The following CEP128 variants were observed in gnomAD, a reference collection of about 807,000 sequenced individuals.
CEP128 encodes the protein centrosomal protein 128, also known as centrosomal protein 128kDa.
CEP128 carries 132 observed loss-of-function variants against 156.7 expected under a neutral mutation model. That is an observed-to-expected ratio of 0.84 (90% CI 0.73 to 0.97). The LOEUF (loss-of-function observed/expected upper bound fraction) is 0.97. CEP128 is among the 50% of genes least tolerant of loss of function. The pLI is 0.00. For missense variants in CEP128, 1,252 were observed against 1,281.9 expected, an observed-to-expected ratio of 0.98 and a Z score of 0.36; for synonymous variants, 469 against 448.9, an observed-to-expected ratio of 1.04 and a Z score of -0.57.
intron 19 of CEP128, among the ~76,000 whole-genome samples, chr14:80,689,708 G>A (rs540903322): frequency 1.3e-5 from 2 of 152,084 alleles, no homozygotes; most frequent in African/African-American, 4.8e-5. Context: ...ATACATAGAC[G>A]CACATGTATA....
intron 19 of CEP128, among the ~76,000 whole-genome samples, chr14:80,680,653 A>G (rs1034665783): frequency 5.2e-4 from 79 of 152,260 alleles, no homozygotes; most frequent in African/African-American, 1.8e-3. Flanking sequence ...CCATACCCAC[A>G]TGTATCTCCA....
intron 8 of CEP128, among the ~76,000 whole-genome samples, chr14:80,892,358 C>A (rs1042056280): frequency 6.6e-6 from 1 of 151,738 alleles, no homozygotes; most frequent in African/African-American, 2.4e-5. Flanking sequence ...GAATTTCACA[C>A]ACAAAAGAAT....
At chr14:80,500,207 T>A (rs981235849) in intron 24 of CEP128, among the ~76,000 whole-genome samples, 2 of 152,220 alleles carry the variant, frequency 1.3e-5, no homozygotes, top group African/African-American at 4.8e-5. Context: ...ATTTCCTTTG[T>A]TTTTTCCACG....
chr14:80,690,880 G>A (rs1287553348), intron 19 of CEP128, among the ~76,000 whole-genome samples: 1 of 151,992 alleles, frequency 6.6e-6, no homozygotes, highest in Non-Finnish European at 1.5e-5. Flanking sequence ...AATACCCAAT[G>A]TTAAAAATAT....
intron 19 of CEP128, among the ~76,000 whole-genome samples, chr14:80,711,449 TAA>T (rs1357667927): frequency 1.3e-5 from 2 of 152,040 alleles, no homozygotes; most frequent in Non-Finnish European, 2.9e-5. Flanking sequence ...GGCTAGCTTA[TAA>T]GAGATAATAT....
upstream of CEP128, among the ~76,000 whole-genome samples, chr14:80,946,103 G>A (rs904277700): frequency 8.5e-5 from 13 of 152,178 alleles, no homozygotes; most frequent in South Asian, 4.1e-4. Flanking sequence ...AGCACTTCAT[G>A]TGTAGAGGTG....
intron 17 of CEP128, among the ~76,000 whole-genome samples, chr14:80,758,387 T>C (rs779839281): frequency 6.6e-6 from 1 of 152,174 alleles, no homozygotes; most frequent in Middle Eastern, 3.4e-3. Flanking sequence ...CCGGGCGTGG[T>C]GGCGCATGCC....
At chr14:80,509,077 G>A (rs1053788933) in intron 23 of CEP128, among the ~76,000 whole-genome samples, 3 of 152,078 alleles carry the variant, frequency 2.0e-5, no homozygotes, top group Non-Finnish European at 4.4e-5. Context: ...GATCTTGTGA[G>A]AACTCCCTCA....
chr14:80,539,370 G>A lies in CEP128; in HGVS notation c.2881-8484C>T, dbSNP rs188553310. Among the ~76,000 whole-genome samples, 742 of 152,284 alleles carry A rather than the reference G, an allele frequency of 4.9e-3. 7 individuals carry two copies. The highest frequency in any genetic ancestry group is 0.016 in the African/African-American group (658 of 41,552). Reference sequence around the variant, plus strand: ...AAGCAATGGGGACAGGATATGTTGCGGGAAGTCAGGGACCTCGAACAGAGG... The same window carrying A: ...AAGCAATGGGGACAGGATATGTTGCAGGAAGTCAGGGACCTCGAACAGAGG... On this transcript the variant is annotated intron_variant, in intron 21 of 24. Transcript: ENST00000555265.
intron 13 of CEP128, 111 bp downstream of exon 13, chr14:80,831,032 G>T: frequency 2.2e-6 from 2 of 899,346 alleles, no homozygotes; most frequent in Non-Finnish European, 3.6e-6. Context: ...TATTATCAAT[G>T]CTCACACTGG....
intron 13 of CEP128, among the ~76,000 whole-genome samples, chr14:80,802,060 G>A (rs965464553): frequency 4.6e-5 from 7 of 151,904 alleles, no homozygotes; most frequent in Non-Finnish European, 1.0e-4. Context: ...AGGCTGTGGA[G>A]ATACAAGAAC....
intron 13 of CEP128, among the ~76,000 whole-genome samples, chr14:80,814,667 A>G (rs1884747454): frequency 6.6e-6 from 1 of 152,196 alleles, no homozygotes; most frequent in African/African-American, 2.4e-5. Flanking sequence ...ACCTATGAAA[A>G]ATTCTTCTGG....
At chr14:80,709,455 T>C (rs116606844) in intron 19 of CEP128, among the ~76,000 whole-genome samples, 2,059 of 152,296 alleles carry the variant, frequency 0.014, 55 homozygotes, top group African/African-American at 0.047. Flanking sequence ...AATTATGTTT[T>C]AATATCTGGT....
In CEP128 at chr14:80,904,800, T is replaced by C. The variant is rs1415081512; in HGVS notation, c.480+13A>G. 1.5e-6 allele frequency: 2 copies of C among 1,337,990 alleles called. No homozygotes were observed. Among genetic ancestry groups the C allele is most frequent in the African/African-American group, 1.4e-5 (1 of 69,322 alleles). The allele number at this position is 1,337,990 out of a possible 1,614,324, so 82.9% of individuals were successfully genotyped here. On this transcript the variant is annotated intron_variant, in intron 6 of 24. Transcript: ENST00000555265. ...GAAATACTGCACACAAATTACAGAA[T>C]GGTACAAAGTACCTGAGTCATATCA... is the stretch of plus-strand genomic sequence containing the variant.
intron 9 of CEP128, among the ~76,000 whole-genome samples, chr14:80,851,839 A>G (rs375287714): frequency 2.0e-4 from 30 of 152,184 alleles, no homozygotes; most frequent in African/African-American, 5.5e-4. Flanking sequence ...TGCCATGAAT[A>G]AAGTAATCTT....
chr14:80,776,617 A>C (rs529088110), intron 16 of CEP128, among the ~76,000 whole-genome samples: 3 of 150,794 alleles, frequency 2.0e-5, no homozygotes, highest in Admixed American at 2.0e-4. Context: ...GCAAAGCACT[A>C]AGAAAGTTTC....
At chr14:80,699,259 T>C (rs534624459) in intron 19 of CEP128, among the ~76,000 whole-genome samples, 2 of 152,106 alleles carry the variant, frequency 1.3e-5, no homozygotes, top group Non-Finnish European at 2.9e-5. Flanking sequence ...GAGCATGAAG[T>C]AGTGGGTTCC....
chr14:80,720,488 T>A (rs1293526328), intron 19 of CEP128, among the ~76,000 whole-genome samples: 1 of 152,194 alleles, frequency 6.6e-6, no homozygotes, highest in Admixed American at 6.5e-5. Flanking sequence ...CTCTTCATTG[T>A]CTATGGATCC....
At chr14:80,709,048 T>C (rs1897313556) in intron 19 of CEP128, among the ~76,000 whole-genome samples, 1 of 151,696 alleles carries the variant, frequency 6.6e-6, no homozygotes, top group South Asian at 2.1e-4. Flanking sequence ...CTGGGTGTGG[T>C]AGCTCACGCC....
Sources: allele counts gnomAD v4.1 joint callset (sites outside exome capture counted in the v4.1 genomes callset), GRCh38; gene constraint gnomAD v4.1.1; transcripts MANE v1.5; gene names NCBI Gene and HGNC (gene_info 2026-07-23, HGNC 2026-07-21).